The following CCDC81 variants were observed in gnomAD, a reference collection of about 807,000 sequenced individuals.
CCDC81 encodes coiled-coil domain containing 81.
Under a neutral mutation model 83.7 loss-of-function variants are expected in CCDC81, and 79 were observed. The observed-to-expected ratio is 0.94, with a 90% CI of 0.79 to 1.14. The LOEUF is 1.14. Among genes scored for constraint, CCDC81 ranks in the 50% most tolerant of loss-of-function variants. The probability of loss-of-function intolerance (pLI) is 0.00; values close to 1 mark genes in which losing one functional copy is unlikely to be tolerated. For synonymous variants in CCDC81, 252 were observed against 278.1 expected (o/e 0.91, Z 0.93); for missense variants, 791 against 778.1 (o/e 1.02, Z -0.20).
chr11:86,422,924 G>A lies in CCDC81; in HGVS notation c.*209G>A. 2 of 555,876 alleles carry A rather than the reference G, an allele frequency of 3.6e-6. No homozygotes were observed. The highest frequency in any genetic ancestry group is 2.2e-5 in the South Asian group (1 of 44,930). 34.4% of individuals were successfully genotyped at this position (555,876 alleles called of 1,614,324 possible). On this transcript the variant is annotated 3_prime_UTR_variant, in exon 15 of 15. Transcript: ENST00000445632. ...TTTCCTATACTAGTTTCTGATGGCAGTGAAGGTGTCTGAATGGTCCTGAGG... is the reference window on the plus strand; with the variant it reads ...TTTCCTATACTAGTTTCTGATGGCAATGAAGGTGTCTGAATGGTCCTGAGG...
At chr11:86,391,222 T>A (rs572572391) in intron 3 of CCDC81, among the ~76,000 whole-genome samples, 86 of 152,236 alleles carry the variant, frequency 5.6e-4, no homozygotes, top group Non-Finnish European at 7.6e-4. Flanking sequence ...GTATTTTTTT[T>A]AAAAATGGAG....
chr11:86,400,097 C>T (rs1004584108), intron 6 of CCDC81, among the ~76,000 whole-genome samples: 3 of 147,740 alleles, frequency 2.0e-5, no homozygotes, highest in Admixed American at 6.9e-5. Flanking sequence ...GGTTACTGCA[C>T]TCCAGCCTGG....
At chr11:86,421,590 G>A (rs373235268) in intron 14 of CCDC81, among the ~76,000 whole-genome samples, 21 of 152,282 alleles carry the variant, frequency 1.4e-4, no homozygotes, top group Admixed American at 6.5e-4. Flanking sequence ...GATTACAGGC[G>A]TAAGCCACCG....
At position 86,390,940 on chromosome 11, in the gene CCDC81, C is replaced by G. The variant is rs959063979; in HGVS notation, c.299-1601C>G. On this transcript the variant is annotated intron_variant, in intron 3 of 14. Coordinates refer to ENST00000445632, the MANE Select transcript of CCDC81 (RefSeq NM_001156474.2). ...TAGAGATCAAGATTTGGATGTTTAC[C>G]TAGGAGAGAATATATACTCAGCAGA... is the stretch of plus-strand genomic sequence containing the variant. Among the ~76,000 whole-genome samples the G allele has an allele frequency of 2.0e-5, 3 of 152,082 alleles. No homozygotes were observed. In the East Asian group the frequency reaches 5.8e-4, roughly 29 times the overall value.
chr11:86,387,477 C>T (rs1382601613), intron 2 of CCDC81, 39 bp from the exon 3 acceptor site: 1 of 1,600,752 alleles, frequency 6.2e-7, no homozygotes, highest in Admixed American at 1.7e-5. Context: ...TTCTTCACTC[C>T]TTCAATGAAT....
intron 7 of CCDC81, among the ~76,000 whole-genome samples, chr11:86,406,774 C>T (rs1272731474): frequency 6.6e-6 from 1 of 152,062 alleles, no homozygotes; most frequent in Non-Finnish European, 1.5e-5. Flanking sequence ...CATTGCACTC[C>T]AGCCTGGGTG....
intron 7 of CCDC81, 67 bp downstream of exon 7, chr11:86,400,868 C>T (rs1029710659): frequency 1.5e-5 from 22 of 1,440,560 alleles, no homozygotes; most frequent in Admixed American, 3.9e-5. Flanking sequence ...TTGCTTGATG[C>T]GGGGAACTGT....
At chr11:86,375,894 T>TA (rs1307172129) in intron 1 of CCDC81, among the ~76,000 whole-genome samples, 1 of 152,174 alleles carries the variant, frequency 6.6e-6, no homozygotes, top group African/African-American at 2.4e-5. Flanking sequence ...CATTGTAACT[T>TA]AGAGATGTTG....
intron 7 of CCDC81, among the ~76,000 whole-genome samples, chr11:86,403,050 T>C (rs1311072098): frequency 2.0e-5 from 3 of 148,008 alleles, no homozygotes; most frequent in African/African-American, 7.5e-5. Flanking sequence ...GATGGGGTCT[T>C]AGTATGTTGT....
At chr11:86,401,563 T>C (rs1436418794) in intron 7 of CCDC81, among the ~76,000 whole-genome samples, 1 of 152,154 alleles carries the variant, frequency 6.6e-6, no homozygotes, top group Non-Finnish European at 1.5e-5. Flanking sequence ...AATTGAGAAT[T>C]AGATGTATAG....
intron 3 of CCDC81, 148 bp downstream of exon 3, chr11:86,387,820 C>A: frequency 3.4e-6 from 2 of 596,148 alleles, no homozygotes. Context: ...GAGGGAGGGG[C>A]CAAAGTGGAA....
rs368730264 is a variant in CCDC81, at chr11:86,416,727, C to A, written c.1691+1414C>A. On this transcript the variant is annotated intron_variant, in intron 13 of 14. Coordinates refer to ENST00000445632, the MANE Select transcript of CCDC81 (RefSeq NM_001156474.2). ...TTTACATATTCTTTACTGGTTATGGCAGATTCTCTCACTTCCCTTATCTTT... is the reference window on the plus strand; with the variant it reads ...TTTACATATTCTTTACTGGTTATGGAAGATTCTCTCACTTCCCTTATCTTT... Among the ~76,000 whole-genome samples, 10 of 152,290 alleles carry A rather than the reference C, an allele frequency of 6.6e-5. No individual in the cohort carries two copies. In the East Asian group the frequency reaches 1.7e-3, roughly 26 times the overall value.
At chr11:86,396,068 G>T (rs117623673) in intron 5 of CCDC81, among the ~76,000 whole-genome samples, 1,673 of 152,230 alleles carry the variant, frequency 0.011, 14 homozygotes, top group South Asian at 0.022. Flanking sequence ...CCTAGCTGCT[G>T]CTTCTTCCTT....
chr11:86,392,248 T>C (rs952828756), intron 3 of CCDC81, among the ~76,000 whole-genome samples: 2 of 152,360 alleles, frequency 1.3e-5, no homozygotes, highest in East Asian at 3.9e-4. Context: ...TTGATTATTA[T>C]ATGTTTCCTA....
chr11:86,385,918 A>T (rs1948235613), intron 1 of CCDC81, 133 bp from the exon 2 acceptor site: 2 of 371,876 alleles, frequency 5.4e-6, no homozygotes, highest in East Asian at 5.9e-5. Flanking sequence ...TTTTTTGTTA[A>T]TTCTAAATTA....
chr11:86,422,489 T>C (rs1030129718), intron 14 of CCDC81, 85 bp from the exon 15 acceptor site: 3 of 1,291,586 alleles, frequency 2.3e-6, no homozygotes, highest in Non-Finnish European at 3.3e-6. Flanking sequence ...TTTTCTTTTG[T>C]GTACCTCCTG....
intron 13 of CCDC81, among the ~76,000 whole-genome samples, chr11:86,418,796 A>G (rs192606953): frequency 1.3e-5 from 2 of 152,314 alleles, no homozygotes; most frequent in East Asian, 3.9e-4. Flanking sequence ...TGGGTGCATA[A>G]CATGAATGTA....
chr11:86,404,031 G>A (rs542878499), intron 7 of CCDC81, among the ~76,000 whole-genome samples: 2 of 152,146 alleles, frequency 1.3e-5, no homozygotes, highest in South Asian at 4.2e-4. Context: ...GCATGTAGTG[G>A]TTAGTGAGTC....
chr11:86,409,579 G>A (rs1418966302), intron 10 of CCDC81, among the ~76,000 whole-genome samples: 1 of 152,122 alleles, frequency 6.6e-6, no homozygotes, highest in Non-Finnish European at 1.5e-5. Context: ...AGCCTCCCGA[G>A]TAGCTGGGAT....
Sources: allele counts gnomAD v4.1 joint callset (sites outside exome capture counted in the v4.1 genomes callset), GRCh38; gene constraint gnomAD v4.1.1; transcripts MANE v1.5; gene names NCBI Gene and HGNC (gene_info 2026-07-23, HGNC 2026-07-21).